OR8K3: variants seen among roughly 807,000 people sequenced by gnomAD.
OR8K3 encodes olfactory receptor 8K3.
For missense variants in OR8K3, 448 were observed against 367.4 expected (o/e 1.22, Z -1.79); for synonymous variants, 167 against 138.8 (o/e 1.20, Z -1.43).
rs776910440 is a variant in OR8K3, at chr11:56,318,814, G to A, written c.508G>A (p.Gly170Ser). The A allele has an allele frequency of 3.1e-6, 5 of 1,613,856 alleles. No homozygotes were observed. In the South Asian group the frequency reaches 3.3e-5, roughly 11 times the overall value. ...TIKIFTLSFC[G>S]YNVISHFYCD... Reference sequence around the variant, plus strand: ...AAAGATTTTTACTTTATCCTTCTGTGGCTACAACGTCATTAGTCATTTCTA... The same window carrying A: ...AAAGATTTTTACTTTATCCTTCTGTAGCTACAACGTCATTAGTCATTTCTA... The change falls in exon 3 of 3, where the codon GGC (glycine) becomes AGC (serine). Residue 170 changes from glycine (G) to serine (S), a missense_variant. Transcript: ENST00000641662.
At chr11:56,316,378 T>C (rs1226767825) in intron 2 of OR8K3, among the ~76,000 whole-genome samples, 2 of 151,758 alleles carry the variant, frequency 1.3e-5, no homozygotes, top group Non-Finnish European at 2.9e-5. Context: ...ATAATTTTCA[T>C]TGTAAAAACT....
At chr11:56,317,496 T>G (rs1030552257) in intron 2 of OR8K3, among the ~76,000 whole-genome samples, 1 of 152,168 alleles carries the variant, frequency 6.6e-6, no homozygotes, top group Non-Finnish European at 1.5e-5. Flanking sequence ...TCATCTGTTA[T>G]GCTGCTCTTA....
chr11:56,316,302 T>C (rs1854442550), intron 2 of OR8K3, among the ~76,000 whole-genome samples: 1 of 152,012 alleles, frequency 6.6e-6, no homozygotes, highest in Non-Finnish European at 1.5e-5. Flanking sequence ...TAATCATCTT[T>C]ATATTTAATG....
chr11:56,316,333 A>G (rs979735578), intron 2 of OR8K3, among the ~76,000 whole-genome samples: 1 of 151,782 alleles, frequency 6.6e-6, no homozygotes, highest in Non-Finnish European at 1.5e-5. Context: ...GCTTGTCTTT[A>G]TTTTTTCATA....
In OR8K3 at chr11:56,320,476, T is replaced by C. The variant is rs952476001; in HGVS notation, c.*1231T>C. On this transcript the variant is annotated 3_prime_UTR_variant, in exon 3 of 3. Transcript: ENST00000641662. ...GTATTTTGATTTCCTTTATTCTTTT[T>C]AATAATCCTAAGAATTTATTGAAAG... The C allele has an allele frequency of 1.3e-5, 2 of 152,230 alleles. No homozygotes were observed. Among genetic ancestry groups the C allele is most frequent in the Non-Finnish European group, 2.9e-5 (2 of 68,022 alleles). 9.4% of individuals were successfully genotyped at this position (152,230 alleles called of 1,614,324 possible). A position where few individuals can be genotyped will look rare whatever the true frequency, so the allele number is the denominator to read the frequency against.
At position 56,318,436 on chromosome 11, in the gene OR8K3, G is replaced by T; in HGVS notation, c.130G>T (p.Gly44Cys). Reference protein sequence around the residue: ...IYVISVMGNLGMIVLTKLDSR... With the variant: ...IYVISVMGNLCMIVLTKLDSR... ...TGTGATCTCAGTGATGGGCAATTTG[G>T]GCATGATTGTCCTCACCAAGTTGGA... Residue 44 changes from glycine to cysteine, a missense_variant, in exon 3 of 3, where the codon GGC becomes TGC. Coordinates refer to ENST00000641662, the MANE Select transcript of OR8K3 (RefSeq NM_001005202.2). The T allele has an allele frequency of 6.2e-7, 1 of 1,613,906 alleles. No individual in the cohort carries two copies. Among genetic ancestry groups the T allele is most frequent in the South Asian group, 1.1e-5 (1 of 91,064 alleles).
Position 56,320,401 on chromosome 11 carries a change from T to C in OR8K3, c.*1156T>C, listed in dbSNP as rs1854509625. On this transcript the variant is annotated 3_prime_UTR_variant, in exon 3 of 3. Transcript: ENST00000641662. Reference sequence around the variant, plus strand: ...TGATCTGTATGCAATGATATCGTTATCTTGCCTTTTAAACATGGTTGCTTT... The same window carrying C: ...TGATCTGTATGCAATGATATCGTTACCTTGCCTTTTAAACATGGTTGCTTT... 1 of 152,244 alleles carries C rather than the reference T, an allele frequency of 6.6e-6. No individual in the cohort carries two copies. 9.4% of individuals were successfully genotyped at this position (152,244 alleles called of 1,614,324 possible).
In OR8K3 at chr11:56,318,627, C is replaced by T. The variant is rs148412442; in HGVS notation, c.321C>T (p.Phe107=). Residue 107 remains phenylalanine (F), a synonymous_variant, in exon 3 of 3, where the codon TTC becomes TTT. Coordinates refer to ENST00000641662, the MANE Select transcript of OR8K3 (RefSeq NM_001005202.2). ...CATQLAFFLV[F]IGSELFILSA... is the part of the protein sequence containing the mutation. ...CACAGCTAGCTTTCTTTCTTGTGTT[C>T]ATTGGTAGTGAACTTTTTATTCTCT... 3.9e-4 allele frequency: 636 copies of T among 1,613,744 alleles called. 7 individuals are homozygous for T. The East Asian group carries it at 0.01, about 26-fold the overall frequency.
At chr11:56,315,796 T>C (rs1854435707) in intron 1 of OR8K3, among the ~76,000 whole-genome samples, 1 of 151,800 alleles carries the variant, frequency 6.6e-6, no homozygotes, top group Admixed American at 6.6e-5. Context: ...AAAAAAACAT[T>C]TTAAAATAGA....
In OR8K3 at chr11:56,320,112, T is replaced by C. The variant is rs1328027739; in HGVS notation, c.*867T>C. The C allele has an allele frequency of 6.6e-6, 1 of 152,264 alleles. No individual in the cohort carries two copies. Among genetic ancestry groups the C allele is most frequent in the Non-Finnish European group, 1.5e-5 (1 of 68,038 alleles). The allele number at this position is 152,264 out of a possible 1,614,324, so 9.4% of individuals were successfully genotyped here. ...TTAAAATTTGTGTTCCAGTTGTTTTTACATCTTTGAGGAGGGGGACCATTC... is the reference window on the plus strand; with the variant it reads ...TTAAAATTTGTGTTCCAGTTGTTTTCACATCTTTGAGGAGGGGGACCATTC... On this transcript the variant is annotated 3_prime_UTR_variant, in exon 3 of 3. Coordinates refer to ENST00000641662, the MANE Select transcript of OR8K3 (RefSeq NM_001005202.2).
At chr11:56,316,951 A>T (rs1470032543) in intron 2 of OR8K3, among the ~76,000 whole-genome samples, 1 of 152,006 alleles carries the variant, frequency 6.6e-6, no homozygotes, top group African/African-American at 2.4e-5. Flanking sequence ...TAATTTATTT[A>T]AAATGTTATT....
In OR8K3 at chr11:56,318,337, G is replaced by T; in HGVS notation, c.31G>T (p.Glu11Ter). The part of the protein sequence containing the change: MEQHNLTTVN[E>*]FILTGITDIA... ...ACAACACAATCTAACAACGGTGAAT[G>T]AATTCATTCTTACGGGAATCACAGA... The change falls in exon 3 of 3, where the codon GAA becomes TAA. Residue 11 changes from glutamate to a stop codon, truncating the protein, a stop_gained. Coordinates refer to ENST00000641662, the MANE Select transcript of OR8K3 (RefSeq NM_001005202.2). LOFTEE classifies it low-confidence loss of function (END_TRUNC). The T allele has an allele frequency of 6.2e-7, 1 of 1,613,684 alleles. No homozygotes were observed. The highest frequency in any genetic ancestry group is 8.5e-7 in the Non-Finnish European group (1 of 1,179,654).
chr11:56,317,341 T>C (rs549310788), intron 2 of OR8K3, among the ~76,000 whole-genome samples: 31 of 152,152 alleles, frequency 2.0e-4, no homozygotes, highest in Non-Finnish European at 4.0e-4. Context: ...TTCTGGATAT[T>C]AGAACAAACA....
chr11:56,318,377 A>T lies in OR8K3; in HGVS notation c.71A>T (p.Gln24Leu). ...GGAATCACAGATATCGCTGAGCTGC[A>T]GGCACCATTATTTGCATTGTTCCTC... ...LTGITDIAELQAPLFALFLMI... is the reference protein window; with the variant it reads ...LTGITDIAELLAPLFALFLMI... The change falls in exon 3 of 3, where the codon CAG becomes CTG. Residue 24 changes from glutamine (Q) to leucine (L), a missense_variant. Physicochemically the swap from Gln to Leu is moderately radical, Grantham distance 113. Coordinates refer to ENST00000641662, the MANE Select transcript of OR8K3 (RefSeq NM_001005202.2). 1 of 1,613,834 alleles carries T rather than the reference A, an allele frequency of 6.2e-7. No homozygotes were observed. Among genetic ancestry groups the T allele is most frequent in the South Asian group, 1.1e-5 (1 of 91,076 alleles).
At position 56,319,150 on chromosome 11, in the gene OR8K3, C is replaced by G; in HGVS notation, c.844C>G (p.Pro282Ala). The G allele has an allele frequency of 6.2e-7, 1 of 1,613,190 alleles. No homozygotes were observed. The highest frequency in any genetic ancestry group is 8.5e-7 in the Non-Finnish European group (1 of 1,179,222). The stretch of plus-strand genomic sequence containing the variant: ...TTCCATATTTTACACCCTGGTTATC[C>G]CCATGTTGAATCCCTTGATCTATAG... ...VASIFYTLVIPMLNPLIYSLR... is the reference protein window; with the variant it reads ...VASIFYTLVIAMLNPLIYSLR... The change falls in exon 3 of 3, where the codon CCC (proline) becomes GCC (alanine). Residue 282 changes from proline to alanine, a missense_variant. Transcript: ENST00000641662.
At chr11:56,317,674 C>T (rs1463666799) in intron 2 of OR8K3, among the ~76,000 whole-genome samples, 1 of 152,068 alleles carries the variant, frequency 6.6e-6, no homozygotes, top group Non-Finnish European at 1.5e-5. Flanking sequence ...CAATTTTAAT[C>T]TATAAATATG....
In OR8K3 at chr11:56,315,175, A is replaced by T. The variant is rs1159463408; in HGVS notation, c.-82+8A>T. On this transcript the variant is annotated splice_region_variant and intron_variant, in intron 1 of 2. Coordinates refer to ENST00000641662, the MANE Select transcript of OR8K3 (RefSeq NM_001005202.2). ...ACAGAGGCTTCCTTACAGGTAAAAAAAAAAAAAGTAAGAATGTTTCTTGTG... is the reference window on the plus strand; with the variant it reads ...ACAGAGGCTTCCTTACAGGTAAAAATAAAAAAAGTAAGAATGTTTCTTGTG... 2.0e-5 allele frequency: 3 copies of T among 152,142 alleles called. No individual in the cohort carries two copies. Among genetic ancestry groups the T allele is most frequent in the African/African-American group, 7.2e-5 (3 of 41,416 alleles). 9.4% of individuals were successfully genotyped at this position (152,142 alleles called of 1,614,324 possible). A position where few individuals can be genotyped will look rare whatever the true frequency, so the allele number is the denominator to read the frequency against.
In OR8K3 at chr11:56,318,476, C is replaced by A. The variant is rs780800705; in HGVS notation, c.170C>A (p.Thr57Asn). 6.8e-6 allele frequency: 11 copies of A among 1,614,070 alleles called. No homozygotes were observed. The highest frequency in any genetic ancestry group is 9.3e-6 in the Non-Finnish European group (11 of 1,179,962). ...ACCAAGTTGGACTCCAGGTTGCAAA[C>A]CCCTATGTACTTTTTTCTCAGACAT... ...VLTKLDSRLQ[T>N]PMYFFLRHLA... The change falls in exon 3 of 3, where the codon ACC (threonine) becomes AAC (asparagine). Residue 57 changes from threonine to asparagine, a missense_variant. Physicochemically the swap from Thr to Asn is moderately conservative, Grantham distance 65 (BLOSUM62 0). Transcript: ENST00000641662.
chr11:56,315,581 C>T (rs1854432476), intron 1 of OR8K3, among the ~76,000 whole-genome samples: 1 of 152,006 alleles, frequency 6.6e-6, no homozygotes, highest in African/African-American at 2.4e-5. Flanking sequence ...TGTTCATGTC[C>T]TTCCAAATAC....
Sources: allele counts gnomAD v4.1 joint callset (sites outside exome capture counted in the v4.1 genomes callset), GRCh38; gene constraint gnomAD v4.1.1; transcripts MANE v1.5; gene names NCBI Gene and HGNC (gene_info 2026-07-23, HGNC 2026-07-21).